The following C6orf118 variants were observed in gnomAD, a reference collection of about 807,000 sequenced individuals.
C6orf118 encodes chromosome 6 open reading frame 118.
A neutral mutation model predicts 50.2 loss-of-function variants in C6orf118; 50 were observed. The observed-to-expected ratio is 1.00, with a 90% CI of 0.79 to 1.26. The LOEUF (loss-of-function observed/expected upper bound fraction) is 1.26, where lower values mean the gene tolerates loss of function less well. C6orf118 is among the 50% of genes most tolerant of loss of function. The probability of loss-of-function intolerance (pLI) is 0.00; values close to 1 mark genes in which losing one functional copy is unlikely to be tolerated. For synonymous variants in C6orf118, 239 were observed against 230.9 expected (o/e 1.03, Z -0.32); for missense variants, 641 against 578.7 (o/e 1.11, Z -1.10).
At chr6:165,285,708 A>G (rs1437700807) in intron 7 of C6orf118, among the ~76,000 whole-genome samples, 1 of 152,152 alleles carries the variant, frequency 6.6e-6, no homozygotes, top group African/African-American at 2.4e-5. Context: ...TTAAGGCAGA[A>G]ATCAAGAAGC....
At chr6:165,308,826 T>A (rs1780839533) in intron 1 of C6orf118, among the ~76,000 whole-genome samples, 1 of 152,226 alleles carries the variant, frequency 6.6e-6, no homozygotes. Flanking sequence ...CCCACTCACC[T>A]GTACATGAAG....
Position 165,279,907 on chromosome 6 carries a change from G to T in C6orf118, c.*150C>A. The T allele has an allele frequency of 1.4e-6, 1 of 708,306 alleles. No individual in the cohort carries two copies. Among genetic ancestry groups the T allele is most frequent in the Non-Finnish European group, 2.2e-6 (1 of 449,032 alleles). 43.9% of individuals were successfully genotyped at this position (708,306 alleles called of 1,614,324 possible). A position where few individuals can be genotyped will look rare whatever the true frequency, so the allele number is the denominator to read the frequency against. On this transcript the variant is annotated 3_prime_UTR_variant, in exon 9 of 9. Coordinates refer to ENST00000230301, the MANE Select transcript of C6orf118 (RefSeq NM_144980.4). ...GCATGTGTGTATTTCAGTATCCTGA[G>T]TAGGATACATATACCACATTAATTT...
intron 6 of C6orf118, among the ~76,000 whole-genome samples, chr6:165,291,218 CA>C (rs1780094444): frequency 6.6e-6 from 1 of 151,990 alleles, no homozygotes; most frequent in South Asian, 2.1e-4. Context: ...TGAACAACAA[CA>C]ACAACAAAAA....
At chr6:165,295,754 T>C (rs574105419) in intron 5 of C6orf118, among the ~76,000 whole-genome samples, 16 of 151,306 alleles carry the variant, frequency 1.1e-4, no homozygotes, top group Admixed American at 8.5e-4. Flanking sequence ...GCACCCTGAT[T>C]TTCCTTTTTA....
chr6:165,306,398 G>A lies in C6orf118; in HGVS notation c.25+3164C>T, dbSNP rs1468280649. ...TAGATGACACGTTAGTGGGTGCAGC[G>A]CACCAGCATGGCACATGTATACATA... On this transcript the variant is annotated intron_variant, in intron 1 of 8. Transcript: ENST00000230301. Among the ~76,000 whole-genome samples, 20 of 126,180 alleles carry A rather than the reference G, an allele frequency of 1.6e-4. No individual in the cohort carries two copies. The East Asian group carries it at 1.6e-3, about 10-fold the overall frequency. The allele number at this position is 126,180 out of a possible 152,430, so 82.8% of individuals were successfully genotyped here.
intron 8 of C6orf118, among the ~76,000 whole-genome samples, chr6:165,280,539 C>T (rs1779693947): frequency 6.6e-6 from 1 of 152,204 alleles, no homozygotes; most frequent in Non-Finnish European, 1.5e-5. Context: ...TCCCTTTCTC[C>T]CATGGCTTTT....
chr6:165,281,904 A>G, intron 7 of C6orf118: 1 of 313,612 alleles, frequency 3.2e-6, no homozygotes, highest in Non-Finnish European at 5.9e-6. Flanking sequence ...AAACTAGGAG[A>G]GGAGGAAATT....
chr6:165,296,392 G>A (rs1780311343), intron 5 of C6orf118, among the ~76,000 whole-genome samples: 1 of 151,374 alleles, frequency 6.6e-6, no homozygotes, highest in Non-Finnish European at 1.5e-5. Flanking sequence ...CCTCAAAATG[G>A]TCAGTTCAGA....
intron 5 of C6orf118, among the ~76,000 whole-genome samples, chr6:165,294,782 C>CTGAA (rs1780233290): frequency 6.6e-6 from 1 of 152,024 alleles, no homozygotes; most frequent in African/African-American, 2.4e-5. Context: ...ACTTGGGAGG[C>CTGAA]TGAAGTAGGA....
chr6:165,293,734 TG>T (rs1308944620), intron 5 of C6orf118, among the ~76,000 whole-genome samples: 1 of 152,190 alleles, frequency 6.6e-6, no homozygotes, highest in African/African-American at 2.4e-5. Flanking sequence ...TAGAATTTAT[TG>T]GTATTTTTTG....
chr6:165,279,814 A>G lies in C6orf118; in HGVS notation c.*243T>C. 2.6e-6 allele frequency: 1 copy of G among 384,946 alleles called. No individual in the cohort carries two copies. Among genetic ancestry groups the G allele is most frequent in the Non-Finnish European group, 4.6e-6 (1 of 218,848 alleles). 23.8% of individuals were successfully genotyped at this position (384,946 alleles called of 1,614,324 possible). ...TCCAAAGTTGAACATTATTAAATGA[A>G]AGTAAAACATACGTTAAGAACTAGT... On this transcript the variant is annotated 3_prime_UTR_variant, in exon 9 of 9. Coordinates refer to ENST00000230301, the MANE Select transcript of C6orf118 (RefSeq NM_144980.4).
intron 8 of C6orf118, chr6:165,281,404 TA>T (rs773630605): frequency 4.9e-6 from 4 of 808,700 alleles, no homozygotes; most frequent in Non-Finnish European, 6.7e-6. Flanking sequence ...CTATCTAGTC[TA>T]ATCTAGTTTT....
intron 5 of C6orf118, among the ~76,000 whole-genome samples, chr6:165,294,557 A>G (rs140409624): frequency 6.6e-6 from 1 of 152,286 alleles, no homozygotes; most frequent in East Asian, 1.9e-4. Context: ...TCACAGATTA[A>G]GAGAGAAATA....
chr6:165,290,330 T>C lies in C6orf118; in HGVS notation c.1121-263A>G, dbSNP rs1168451021. ...TAGGTAGAAAGGTTCAATGGTGAAT[T>C]AGCCCTTTCCAGAGTGTGTGATTTA... is the stretch of plus-strand genomic sequence containing the variant. On this transcript the variant is annotated intron_variant, in intron 6 of 8. Transcript: ENST00000230301. Among the ~76,000 whole-genome samples the C allele has an allele frequency of 2.0e-5, 3 of 152,064 alleles. No individual in the cohort carries two copies. In the East Asian group the frequency reaches 5.8e-4, roughly 29 times the overall value.
chr6:165,292,749 T>A (rs1206421895), intron 6 of C6orf118, among the ~76,000 whole-genome samples: 1 of 151,976 alleles, frequency 6.6e-6, no homozygotes, highest in Non-Finnish European at 1.5e-5. Flanking sequence ...GGGATGCAAA[T>A]CAGGCGACAA....
intron 8 of C6orf118, 124 bp from the exon 9 acceptor site, chr6:165,280,234 T>C (rs1779681532): frequency 7.5e-6 from 5 of 664,958 alleles, no homozygotes; most frequent in Non-Finnish European, 1.3e-5. Context: ...TGAGACTTTG[T>C]AATCATTTAC....
At chr6:165,283,805 C>T (rs1297756584) in intron 7 of C6orf118, among the ~76,000 whole-genome samples, 1 of 152,124 alleles carries the variant, frequency 6.6e-6, no homozygotes, top group African/African-American at 2.4e-5. Flanking sequence ...GAGACCTCAC[C>T]AAAACCCCAT....
At chr6:165,300,273 A>G (rs1780469180) in intron 3 of C6orf118, 91 bp downstream of exon 3, 2 of 1,482,102 alleles carry the variant, frequency 1.3e-6, no homozygotes, top group African/African-American at 2.8e-5. Flanking sequence ...TGTGATACCT[A>G]GCAGAATTTC....
At chr6:165,285,807 C>A (rs913807968) in intron 7 of C6orf118, among the ~76,000 whole-genome samples, 7 of 151,830 alleles carry the variant, frequency 4.6e-5, no homozygotes, top group African/African-American at 1.7e-4. Flanking sequence ...GCACTAAATG[C>A]CCACATCAGA....
Sources: allele counts gnomAD v4.1 joint callset (sites outside exome capture counted in the v4.1 genomes callset), GRCh38; gene constraint gnomAD v4.1.1; transcripts MANE v1.5; gene names NCBI Gene and HGNC (gene_info 2026-07-23, HGNC 2026-07-21).